Variants in TBKBP1 observed in about 807,000 individuals in gnomAD.
The protein encoded by TBKBP1 is TBK1 binding protein 1, also known as TANK-binding kinase 1-binding protein 1.
In TBKBP1, 47 loss-of-function variants were observed where a neutral mutation model predicts 69.9. The observed-to-expected ratio is 0.67, with a 90% CI of 0.53 to 0.86. The LOEUF (loss-of-function observed/expected upper bound fraction) is 0.86, where lower values mean the gene tolerates loss of function less well. Ranked by LOEUF, TBKBP1 falls within the 40% of genes least tolerant of loss-of-function variation. The probability of loss-of-function intolerance (pLI) is 0.00; values close to 1 mark genes in which losing one functional copy is unlikely to be tolerated. For missense variants in TBKBP1, 831 were observed against 858.6 expected, an observed-to-expected ratio of 0.97 and a Z score of 0.40; for synonymous variants, 418 against 390.3, an observed-to-expected ratio of 1.07 and a Z score of -0.84.
At chr17:47,709,736 C>T (rs2031857370) in intron 9 of TBKBP1, among the ~76,000 whole-genome samples, 1 of 152,242 alleles carries the variant, frequency 6.6e-6, no homozygotes, top group Non-Finnish European at 1.5e-5. Flanking sequence ...CAAACTCCAC[C>T]GCTTAATAGC....
At chr17:47,703,678 C>CA (rs2031599356) in intron 7 of TBKBP1, among the ~76,000 whole-genome samples, 1 of 151,744 alleles carries the variant, frequency 6.6e-6, no homozygotes, top group African/African-American at 2.4e-5. Flanking sequence ...CTGCTGTCTC[C>CA]AAAAAAAGGC....
intron 7 of TBKBP1, among the ~76,000 whole-genome samples, chr17:47,704,170 A>C (rs187767151): frequency 6.6e-5 from 10 of 152,270 alleles, no homozygotes; most frequent in African/African-American, 1.7e-4. Flanking sequence ...CCTACCCCTG[A>C]GCTGCTCCAA....
At chr17:47,704,927 C>T (rs1331353914) in intron 7 of TBKBP1, among the ~76,000 whole-genome samples, 1 of 152,224 alleles carries the variant, frequency 6.6e-6, no homozygotes, top group Admixed American at 6.5e-5. Flanking sequence ...CTGGCTCCTC[C>T]GAAGTTGCCA....
At chr17:47,702,854 T>TG (rs1264485837) in intron 7 of TBKBP1, among the ~76,000 whole-genome samples, 2 of 151,688 alleles carry the variant, frequency 1.3e-5, no homozygotes, top group South Asian at 2.1e-4. Context: ...CCCTGACCCT[T>TG]GGGGGGTTCC....
intron 7 of TBKBP1, among the ~76,000 whole-genome samples, chr17:47,707,688 G>A (rs1299863619): frequency 6.6e-6 from 1 of 152,200 alleles, no homozygotes; most frequent in East Asian, 1.9e-4. Context: ...GAGTTGTACA[G>A]CAAGGAGGTC....
At position 47,708,447 on chromosome 17, in the gene TBKBP1, G is replaced by A. The variant is rs1479386151; in HGVS notation, c.926G>A (p.Arg309Gln). The change falls in exon 8 of 10, where the codon CGG (arginine) becomes CAG (glutamine). Residue 309 changes from arginine to glutamine, a missense_variant. Transcript: ENST00000578982. The surrounding 1 kb of genome is among the most constrained non-coding windows in gnomAD (Gnocchi z 4.4). ...CTGACGGAGGAGCTGGGCCGGCTTC[G>A]GGAGTTGAGTTCCCTACAGGGGAGA... is the stretch of plus-strand genomic sequence containing the variant. The part of the protein sequence containing the change: ...TELTEELGRL[R>Q]ELSSLQGRIL... 1 of 1,613,910 alleles carries A rather than the reference G, an allele frequency of 6.2e-7. No homozygotes were observed. Among genetic ancestry groups the A allele is most frequent in the Non-Finnish European group, 8.5e-7 (1 of 1,179,842 alleles).
intron 2 of TBKBP1, 45 bp downstream of exon 2, chr17:47,696,382 G>A (rs569480425): frequency 6.3e-7 from 1 of 1,586,264 alleles, no homozygotes; most frequent in East Asian, 2.2e-5. Flanking sequence ...GTATGGGATG[G>A]GGAGGGGGAC....
chr17:47,702,896 C>G (rs1011860522), intron 7 of TBKBP1, among the ~76,000 whole-genome samples: 1 of 151,844 alleles, frequency 6.6e-6, no homozygotes, highest in African/African-American at 2.4e-5. Flanking sequence ...CACCCACAAC[C>G]CCCTTCTCTC....
At position 47,709,376 on chromosome 17, in the gene TBKBP1, G is replaced by A; in HGVS notation, c.1643G>A (p.Gly548Asp). Residue 548 changes from glycine to aspartate, a missense_variant, in exon 9 of 10, where the codon GGC (glycine) becomes GAC (aspartate). Physicochemically the swap from Gly to Asp is moderately conservative, Grantham distance 94. Coordinates refer to ENST00000578982, the MANE Select transcript of TBKBP1 (RefSeq NM_001394755.1). ...GTIRCASFCA[G>D]FPIPESPAAT... ...ATCCGCTGCGCCTCCTTCTGCGCGG[G>A]CTTCCCCATCCCCGAGTCGCCCGCC... The A allele has an allele frequency of 6.5e-7, 1 of 1,529,778 alleles. No homozygotes were observed. The allele number at this position is 1,529,778 out of a possible 1,614,324, so 94.8% of individuals were successfully genotyped here. A position where few individuals can be genotyped will look rare whatever the true frequency, so the allele number is the denominator to read the frequency against.
chr17:47,707,766 G>C, intron 7 of TBKBP1, among the ~76,000 whole-genome samples: 1 of 152,198 alleles, frequency 6.6e-6, no homozygotes, highest in East Asian at 1.9e-4. Flanking sequence ...AGTGGACATG[G>C]AATTGGGCTG....
chr17:47,695,020 C>G (rs2031164817), intron 1 of TBKBP1, among the ~76,000 whole-genome samples: 1 of 152,140 alleles, frequency 6.6e-6, no homozygotes, highest in South Asian at 2.1e-4. Flanking sequence ...GTGCACATAA[C>G]GCTCCAGCGC....
At chr17:47,696,856 A>ACC (rs2031267748) in intron 3 of TBKBP1, 23 bp downstream of exon 3, 1 of 1,611,796 alleles carries the variant, frequency 6.2e-7, no homozygotes, top group Non-Finnish European at 8.5e-7. Context: ...GGCTGGGCGC[A>ACC]CCCCCTGAGC....
At chr17:47,695,853 C>T (rs1271643545) in intron 1 of TBKBP1, 1 of 419,190 alleles carries the variant, frequency 2.4e-6, no homozygotes, top group East Asian at 3.6e-5. Flanking sequence ...TGTCAACACC[C>T]TGGCAGCGGG....
chr17:47,708,949 T>C lies in TBKBP1; in HGVS notation c.1216T>C (p.Cys406Arg). ...GCGCCGCTCGCCGGTGCCGCCGTCG[T>C]GCCAGTCCCCCAGCCCGCAGCGCCG... Reference protein sequence around the residue: ...PQRRSPVPPSCQSPSPQRRSP... With the variant: ...PQRRSPVPPSRQSPSPQRRSP... Residue 406 changes from cysteine to arginine, a missense_variant, in exon 9 of 10, where the codon TGC becomes CGC. Cys to Arg is a radical substitution (Grantham distance 180). Coordinates refer to ENST00000578982, the MANE Select transcript of TBKBP1 (RefSeq NM_001394755.1). The surrounding 1 kb of genome is among the most constrained non-coding windows in gnomAD (Gnocchi z 4.4). 1.6e-6 allele frequency: 2 copies of C among 1,230,976 alleles called. No homozygotes were observed. Among genetic ancestry groups the C allele is most frequent in the Non-Finnish European group, 2.0e-6 (2 of 978,660 alleles). The allele number at this position is 1,230,976 out of a possible 1,614,324, so 76.3% of individuals were successfully genotyped here. A position where few individuals can be genotyped will look rare whatever the true frequency, so the allele number is the denominator to read the frequency against.
In TBKBP1 at chr17:47,709,189, C is replaced by T; in HGVS notation, c.1456C>T (p.Leu486Phe). Residue 486 changes from leucine (L) to phenylalanine (F), a missense_variant, in exon 9 of 10, where the codon CTC becomes TTC. Physicochemically the swap from Leu to Phe is conservative, Grantham distance 22. Transcript: ENST00000578982. The part of the protein sequence containing the change: ...PPWLQAEAAT[L>F]PKPRAYGSEL... ...CTGGCTGCAGGCCGAAGCGGCCACTCTCCCCAAGCCCCGGGCCTACGGCAG... is the reference window on the plus strand; with the variant it reads ...CTGGCTGCAGGCCGAAGCGGCCACTTTCCCCAAGCCCCGGGCCTACGGCAG... The T allele has an allele frequency of 1.3e-6, 2 of 1,488,108 alleles. No homozygotes were observed. Among genetic ancestry groups the T allele is most frequent in the South Asian group, 2.5e-5 (2 of 78,646 alleles). The allele number at this position is 1,488,108 out of a possible 1,614,324, so 92.2% of individuals were successfully genotyped here.
intron 7 of TBKBP1, among the ~76,000 whole-genome samples, chr17:47,702,513 C>T (rs1250075883): frequency 6.6e-6 from 1 of 152,034 alleles, no homozygotes; most frequent in Non-Finnish European, 1.5e-5. Flanking sequence ...CCCCCACCCC[C>T]ATCTCTATTA....
rs1252609522 is a variant in TBKBP1 at position 47,709,267 on chromosome 17, A to G, written c.1534A>G (p.Ile512Val). Residue 512 changes from isoleucine to valine, a missense_variant, in exon 9 of 10, where the codon ATC becomes GTC. Transcript: ENST00000578982. ...CAGCCCGCGGCGCGCCTTCGAGGGC[A>G]TCCGGCTGCGCTTCGAGAAGCAGCC... ...PLSPRRAFEG[I>V]RLRFEKQPSE... 2.6e-6 allele frequency: 4 copies of G among 1,523,430 alleles called. No homozygotes were observed. Among genetic ancestry groups the G allele is most frequent in the Middle Eastern group, 1.9e-4 (1 of 5,132 alleles). The allele number at this position is 1,523,430 out of a possible 1,614,324, so 94.4% of individuals were successfully genotyped here.
At chr17:47,695,406 C>G (rs1319628093) in intron 1 of TBKBP1, 2 of 152,462 alleles carry the variant, frequency 1.3e-5, no homozygotes, top group East Asian at 3.8e-4. Flanking sequence ...TCCCCTTCCA[C>G]CTGGGTCCCC....
At chr17:47,698,802 C>T (rs760236779) in intron 5 of TBKBP1, 27 bp downstream of exon 5, 2 of 1,511,170 alleles carry the variant, frequency 1.3e-6, no homozygotes, top group Non-Finnish European at 1.8e-6. Flanking sequence ...CCCGACTTAC[C>T]TCCTAGTCCC....
Sources: gnomAD v4.1 joint callset for allele counts (sites outside exome capture counted in the v4.1 genomes callset) on GRCh38, gnomAD v4.1.1 for gene constraint, Gnocchi (gnomAD v3.1) non-coding constraint, MANE v1.5 for transcripts, NCBI Gene and HGNC (gene_info 2026-07-23, HGNC 2026-07-21) for gene names.